The following VASH2 variants were observed in gnomAD, a reference collection of about 807,000 sequenced individuals.
VASH2 encodes tubulinyl-Tyr carboxypeptidase 2.
Under a neutral mutation model 37.2 loss-of-function variants are expected in VASH2, and 28 were observed. The observed-to-expected ratio is 0.75, with a 90% confidence interval of 0.56 to 1.03. The LOEUF (loss-of-function observed/expected upper bound fraction) is 1.03, where lower values mean the gene tolerates loss of function less well. Ranked by LOEUF, VASH2 falls within the 50% of genes least tolerant of loss-of-function variation. The pLI is 0.00. For synonymous variants in VASH2, 188 were observed against 174.7 expected (o/e 1.08, Z -0.60); for missense variants, 419 against 459.1 (o/e 0.91, Z 0.80).
At chr1:212,959,154 G>A (rs767211908) in intron 2 of VASH2, among the ~76,000 whole-genome samples, 4 of 152,172 alleles carry the variant, frequency 2.6e-5, no homozygotes, top group Admixed American at 1.3e-4. Flanking sequence ...ACTTGTTCAC[G>A]TCTCCCCTTC....
chr1:212,959,412 T>C (rs1666602711), intron 2 of VASH2, among the ~76,000 whole-genome samples: 1 of 149,438 alleles, frequency 6.7e-6, no homozygotes, highest in Non-Finnish European at 1.5e-5. Context: ...TAGCTGTGCC[T>C]GAGTGTGCAC....
chr1:212,951,584 C>T lies in VASH2; in HGVS notation c.42C>T (p.Pro14=). The change falls in exon 2 of 8, where the codon CCC becomes CCT. Residue 14 remains proline (P), a synonymous_variant. Coordinates refer to ENST00000517399, the MANE Select transcript of VASH2 (RefSeq NM_001301056.2). The surrounding 1 kb of genome is among the most constrained non-coding windows in gnomAD (Gnocchi z 4.4). ...SAADTHRCPH[P]KGAKGTRSRS... ...CCGACACTCACCGCTGCCCCCACCC[C>T]AAAGGCGCCAAAGGCACCCGGTCCC... 3 of 1,546,322 alleles carry T rather than the reference C, an allele frequency of 1.9e-6. No individual in the cohort carries two copies. Among genetic ancestry groups the T allele is most frequent in the South Asian group, 2.4e-5 (2 of 83,978 alleles).
chr1:212,953,235 G>T lies in VASH2; in HGVS notation c.276+1417G>T, dbSNP rs76293249. Among the ~76,000 whole-genome samples the T allele has an allele frequency of 9.2e-4, 139 of 151,782 alleles. 1 individual carries two copies. Among genetic ancestry groups the T allele is most frequent in the African/African-American group, 2.8e-3 (117 of 41,318 alleles). On this transcript the variant is annotated intron_variant, in intron 2 of 7. Coordinates refer to ENST00000517399, the MANE Select transcript of VASH2 (RefSeq NM_001301056.2). ...CAACCATGTATGCGGGTGCGCGGGGGGGGGTGCATTCTCTATGTGGGAATC... is the reference window on the plus strand; with the variant it reads ...CAACCATGTATGCGGGTGCGCGGGGTGGGGTGCATTCTCTATGTGGGAATC...
intron 2 of VASH2, among the ~76,000 whole-genome samples, chr1:212,959,926 C>T (rs1256747093): frequency 1.3e-5 from 2 of 152,242 alleles, no homozygotes; most frequent in Admixed American, 6.5e-5. Flanking sequence ...GAGGAGCCTC[C>T]TTTCTCCTTC....
rs112514948 is a variant in VASH2 at position 212,989,294 on chromosome 1, T to G, written c.*710T>G. ...TCTTTCTTAAAGCATTCACTGATGT[T>G]TTTGTTTTTTCAAAATGAAACAAAA... On this transcript the variant is annotated 3_prime_UTR_variant, in exon 8 of 8. Transcript: ENST00000517399. 9.9e-5 allele frequency: 15 copies of G among 152,254 alleles called. No homozygotes were observed. The highest frequency in any genetic ancestry group is 3.6e-4 in the African/African-American group (15 of 41,464). 9.4% of individuals were successfully genotyped at this position (152,254 alleles called of 1,614,324 possible). A position where few individuals can be genotyped will look rare whatever the true frequency, so the allele number is the denominator to read the frequency against.
chr1:212,973,180 G>C (rs1233432551), intron 6 of VASH2, among the ~76,000 whole-genome samples: 1 of 152,140 alleles, frequency 6.6e-6, no homozygotes, highest in Admixed American at 6.5e-5. Flanking sequence ...TATGAAATCA[G>C]ATCTAAAGTG....
In VASH2 at chr1:212,951,775, G is replaced by A. The variant is rs767792299; in HGVS notation, c.233G>A (p.Gly78Glu). 3 of 1,608,788 alleles carry A rather than the reference G, an allele frequency of 1.9e-6. No homozygotes were observed. Among genetic ancestry groups the A allele is most frequent in the South Asian group, 1.1e-5 (1 of 89,290 alleles). ...GTGGCCAAGGTGCACCCTAAGGGGG[G>A]AGAAATGGTGGGCGCCATCAGGAAC... Reference protein sequence around the residue: ...MHVAKVHPKGGEMVGAIRNAA... With the variant: ...MHVAKVHPKGEEMVGAIRNAA... The change falls in exon 2 of 8, where the codon GGA becomes GAA. Residue 78 changes from glycine to glutamate, a missense_variant. Coordinates refer to ENST00000517399, the MANE Select transcript of VASH2 (RefSeq NM_001301056.2). This position sits in a 1 kb window ranked among gnomAD's most constrained non-coding sequence, Gnocchi z 4.4.
At chr1:212,981,556 C>T (rs1355886954) in intron 7 of VASH2, among the ~76,000 whole-genome samples, 2 of 152,220 alleles carry the variant, frequency 1.3e-5, no homozygotes, top group Non-Finnish European at 2.9e-5. Flanking sequence ...GCCAAGAGCA[C>T]CCCTGGTTTA....
chr1:212,966,197 C>A, intron 4 of VASH2, 74 bp from the exon 5 acceptor site: 3 of 1,327,254 alleles, frequency 2.3e-6, no homozygotes, highest in Non-Finnish European at 3.2e-6. Context: ...GACAGGCATG[C>A]TGATGGATTG....
At chr1:212,967,084 A>G (rs1666872982) in intron 5 of VASH2, 2 of 1,303,706 alleles carry the variant, frequency 1.5e-6, no homozygotes, top group South Asian at 2.5e-5. Flanking sequence ...GGAGGAGACC[A>G]AGCAGTGGTG....
At chr1:212,968,311 T>C (rs1449313117) in intron 5 of VASH2, 1 of 985,172 alleles carries the variant, frequency 1.0e-6, no homozygotes, top group Non-Finnish European at 1.2e-6. Context: ...AAAGAGCCCA[T>C]GAAAGAGACT....
chr1:212,960,442 G>A (rs558260463), intron 2 of VASH2, among the ~76,000 whole-genome samples: 1 of 152,344 alleles, frequency 6.6e-6, no homozygotes, highest in African/African-American at 2.4e-5. Context: ...TAATCCATCT[G>A]GGGGTGGGAC....
In VASH2 at chr1:212,974,053, C is replaced by T. The variant is rs569261376; in HGVS notation, c.978C>T (p.Leu326=). 18 of 1,612,944 alleles carry T rather than the reference C, an allele frequency of 1.1e-5. No homozygotes were observed. Among genetic ancestry groups the T allele is most frequent in the African/African-American group, 4.0e-5 (3 of 74,878 alleles). Residue 326 remains leucine (L), a synonymous_variant, in exon 7 of 8, where the codon CTC becomes CTT. Coordinates refer to ENST00000517399, the MANE Select transcript of VASH2 (RefSeq NM_001301056.2). ...GACAGGCAAGCCCCCCGAGGAGGCT[C>T]GGCCGGCGAGAGAAGTCGTGAGTAA... ...RRRQASPPRR[L]GRREKSPALP...
chr1:212,973,873 G>A (rs566162327), intron 6 of VASH2, 82 bp from the exon 7 acceptor site: 6 of 1,523,118 alleles, frequency 3.9e-6, no homozygotes, highest in East Asian at 4.7e-5. Context: ...TGGGCTGGGG[G>A]GTGGAATGTG....
At chr1:212,981,930 A>G (rs1054184219) in intron 7 of VASH2, among the ~76,000 whole-genome samples, 3 of 152,208 alleles carry the variant, frequency 2.0e-5, no homozygotes, top group Non-Finnish European at 2.9e-5. Flanking sequence ...AGATGGCACC[A>G]TCTGGTCAGG....
chr1:212,975,843 T>G (rs1667154819), intron 7 of VASH2, among the ~76,000 whole-genome samples: 1 of 152,212 alleles, frequency 6.6e-6, no homozygotes, highest in Non-Finnish European at 1.5e-5. Context: ...CTTTAGACTC[T>G]AGAATCCAGA....
At chr1:212,974,277 C>T (rs1667109703) in intron 7 of VASH2, among the ~76,000 whole-genome samples, 1 of 152,156 alleles carries the variant, frequency 6.6e-6, no homozygotes, top group Admixed American at 6.5e-5. Context: ...CTGTCAGTTG[C>T]ACACAAACGG....
chr1:212,984,475 A>G (rs1475294640), intron 7 of VASH2, among the ~76,000 whole-genome samples: 1 of 152,176 alleles, frequency 6.6e-6, no homozygotes, highest in African/African-American at 2.4e-5. Context: ...ACTTTCTAGG[A>G]GAGACTGTCG....
intron 7 of VASH2, among the ~76,000 whole-genome samples, chr1:212,983,988 A>G (rs1462073724): frequency 6.6e-6 from 1 of 152,200 alleles, no homozygotes; most frequent in Non-Finnish European, 1.5e-5. Flanking sequence ...CCTCTATAAA[A>G]TGGACAGTAC....
Sources: gnomAD v4.1 joint callset for allele counts (sites outside exome capture counted in the v4.1 genomes callset) on GRCh38, gnomAD v4.1.1 for gene constraint, Gnocchi (gnomAD v3.1) non-coding constraint, MANE v1.5 for transcripts, NCBI Gene and HGNC (gene_info 2026-07-23, HGNC 2026-07-21) for gene names.